Variants in RGS22 observed in about 807,000 individuals in gnomAD.
RGS22 encodes regulator of G protein signaling 22.
RGS22 carries 148 observed loss-of-function variants against 172.9 expected under a neutral mutation model. That is an observed-to-expected ratio of 0.86 (90% CI 0.75 to 0.98). RGS22 has a LOEUF of 0.98. Among genes scored for constraint, RGS22 ranks in the 50% least tolerant of loss-of-function variants. The pLI is 0.00. For synonymous variants in RGS22, 458 were observed against 480.2 expected, an observed-to-expected ratio of 0.95 and a Z score of 0.60; for missense variants, 1,347 against 1,440.8, an observed-to-expected ratio of 0.93 and a Z score of 1.05.
intron 6 of RGS22, among the ~76,000 whole-genome samples, chr8:100,067,621 ATTT>A (rs5893506): frequency 4.6e-4 from 57 of 124,460 alleles, no homozygotes; most frequent in African/African-American, 1.7e-3. Flanking sequence ...CACTTTATAC[ATTT>A]TTTTTTTTTT....
At chr8:100,068,251 G>C (rs553878801) in intron 6 of RGS22, among the ~76,000 whole-genome samples, 1 of 152,166 alleles carries the variant, frequency 6.6e-6, no homozygotes, top group South Asian at 2.1e-4. Flanking sequence ...AGCCAGGAAT[G>C]GTGATGCACT....
intron 22 of RGS22, among the ~76,000 whole-genome samples, chr8:99,981,724 GTTTTTTT>G (rs534670626): frequency 7.7e-6 from 1 of 129,942 alleles, no homozygotes; most frequent in Non-Finnish European, 1.7e-5. Flanking sequence ...TTTTTTTTAG[GTTTTTTT>G]TTTTTTTTTT....
rs117816751 is a variant in RGS22 at position 99,988,880 on chromosome 8, C to T, written c.3019-1261G>A. Among the ~76,000 whole-genome samples the T allele has an allele frequency of 5.6e-4, 85 of 152,200 alleles. 2 individuals carry two copies. The East Asian group carries it at 0.016, about 29-fold the overall frequency. ...AAAGTTAAGACCCCCACCATATGGT[C>T]CATATTAAAATTATAGCCCTACAAA... On this transcript the variant is annotated intron_variant, in intron 20 of 27. Transcript: ENST00000360863.
At chr8:100,017,833 C>T (rs892715010) in intron 14 of RGS22, among the ~76,000 whole-genome samples, 2 of 151,946 alleles carry the variant, frequency 1.3e-5, no homozygotes, top group Non-Finnish European at 2.9e-5. Context: ...TTTTACTGGC[C>T]GCCCAGTTCT....
At chr8:99,977,551 T>C (rs1305092532) in intron 23 of RGS22, among the ~76,000 whole-genome samples, 2 of 152,114 alleles carry the variant, frequency 1.3e-5, no homozygotes, top group East Asian at 1.9e-4. Context: ...TAAGGACTTA[T>C]AAAACAAGGA....
intron 2 of RGS22, 134 bp downstream of exon 2, chr8:100,105,240 G>A: frequency 2.8e-6 from 2 of 704,782 alleles, no homozygotes; most frequent in Non-Finnish European, 5.0e-6. Context: ...CTTGTACACA[G>A]TTATTACAAT....
chr8:100,042,867 T>C (rs1367490732), intron 11 of RGS22: 2 of 151,732 alleles, frequency 1.3e-5, no homozygotes, highest in Non-Finnish European at 2.9e-5. Context: ...GACATAGCCA[T>C]GAGACACAGT....
chr8:99,999,512 G>C, intron 18 of RGS22, 92 bp from the exon 19 acceptor site: 1 of 1,400,844 alleles, frequency 7.1e-7, no homozygotes, highest in Non-Finnish European at 9.8e-7. Context: ...AAAACCATTT[G>C]CTGCACCCTG....
At chr8:100,053,987 A>T (rs965095392) in intron 9 of RGS22, among the ~76,000 whole-genome samples, 2 of 152,220 alleles carry the variant, frequency 1.3e-5, no homozygotes, top group Admixed American at 1.3e-4. Flanking sequence ...TATAATGCAT[A>T]CTATTTATTT....
intron 4 of RGS22, among the ~76,000 whole-genome samples, chr8:100,075,844 A>G (rs1428394607): frequency 2.0e-5 from 3 of 152,204 alleles, no homozygotes; most frequent in Non-Finnish European, 4.4e-5. Flanking sequence ...TTGCAGCAGC[A>G]GTGTATGAAG....
intron 23 of RGS22, among the ~76,000 whole-genome samples, chr8:99,968,262 A>T (rs1315720498): frequency 1.3e-5 from 2 of 152,232 alleles, no homozygotes; most frequent in African/African-American, 4.8e-5. Context: ...AGATAAATCC[A>T]TGAAGATGAG....
intron 9 of RGS22, among the ~76,000 whole-genome samples, chr8:100,055,262 C>T (rs778051805): frequency 7.9e-5 from 12 of 152,170 alleles, no homozygotes; most frequent in Non-Finnish European, 1.8e-4. Context: ...TAGCTGCACT[C>T]CACTCCCAGC....
At chr8:100,007,896 T>C (rs1815901443) in intron 15 of RGS22, among the ~76,000 whole-genome samples, 1 of 151,986 alleles carries the variant, frequency 6.6e-6, no homozygotes, top group Non-Finnish European at 1.5e-5. Context: ...TGCCCAAATT[T>C]TGAGGCTACC....
chr8:100,064,000 CT>C lies in RGS22; in HGVS notation c.767del (p.Lys256ArgfsTer9). The C allele has an allele frequency of 1.9e-6, 3 of 1,542,636 alleles. No individual in the cohort carries two copies. Among genetic ancestry groups the C allele is most frequent in the South Asian group, 1.3e-5 (1 of 77,872 alleles). On this transcript the variant is annotated frameshift_variant, in exon 8 of 28. Coordinates refer to ENST00000360863, the MANE Select transcript of RGS22 (RefSeq NM_015668.5). LOFTEE classifies it high-confidence loss of function. ...FDDGVHPRTK[K>X]DPSKTNKLIS... ...TCAATTTGTTGGTTTTAGATGGGTC[CT>C]TTTTTGTCCTAGGGTGAACTCCATC...
At chr8:100,103,642 AAC>A (rs1813679663) in intron 2 of RGS22, among the ~76,000 whole-genome samples, 1 of 151,444 alleles carries the variant, frequency 6.6e-6, no homozygotes, top group African/African-American at 2.4e-5. Flanking sequence ...AGTCCCACGA[AAC>A]AGGGGTACTG....
At chr8:100,042,212 T>C (rs1156713795) in intron 11 of RGS22, among the ~76,000 whole-genome samples, 1 of 152,174 alleles carries the variant, frequency 6.6e-6, no homozygotes, top group Non-Finnish European at 1.5e-5. Flanking sequence ...AGGGCAAGAA[T>C]GAGAAATTCC....
chr8:100,041,567 C>CCAGA (rs748671848), intron 12 of RGS22, among the ~76,000 whole-genome samples: 7 of 151,398 alleles, frequency 4.6e-5, no homozygotes, highest in Non-Finnish European at 1.0e-4. Context: ...CATACCAAAA[C>CCAGA]CAGAACACCA....
Position 100,019,520 on chromosome 8 carries a change from T to C in RGS22, c.2167-10951A>G, listed in dbSNP as rs778249490. On this transcript the variant is annotated intron_variant, in intron 14 of 27. Transcript: ENST00000360863. ...GTATGACTTAAAATGAGTCCCTCAGTACATAAAGAATAAAATGTATTCAAA... is the reference window on the plus strand; with the variant it reads ...GTATGACTTAAAATGAGTCCCTCAGCACATAAAGAATAAAATGTATTCAAA... Among the ~76,000 whole-genome samples the C allele has an allele frequency of 1.4e-4, 21 of 152,226 alleles. 1 individual carries two copies. The highest frequency in any genetic ancestry group is 1.4e-3 in the Admixed American group (21 of 15,286).
chr8:100,040,381 A>C (rs1187426559), intron 12 of RGS22, among the ~76,000 whole-genome samples: 2 of 152,196 alleles, frequency 1.3e-5, no homozygotes, highest in Admixed American at 1.3e-4. Context: ...CAGGCAAAGT[A>C]AGACCATTTT....
Sources: allele counts gnomAD v4.1 joint callset (sites outside exome capture counted in the v4.1 genomes callset), GRCh38; gene constraint gnomAD v4.1.1; transcripts MANE v1.5; gene names NCBI Gene and HGNC (gene_info 2026-07-23, HGNC 2026-07-21).